The following LPP variants were observed in gnomAD, a reference collection of about 807,000 sequenced individuals.
LPP encodes the protein LIM domain containing preferred translocation partner in lipoma.
LPP carries 38 observed loss-of-function variants against 60.4 expected under a neutral mutation model. That is an observed-to-expected ratio of 0.63 (90% CI 0.49 to 0.83). The LOEUF is 0.83. LPP is among the 40% of genes least tolerant of loss of function. The pLI is 0.00. For missense variants in LPP, 902 were observed against 783.6 expected, an observed-to-expected ratio of 1.15 and a Z score of -1.80; for synonymous variants, 328 against 290.8, an observed-to-expected ratio of 1.13 and a Z score of -1.30.
chr3:188,595,662 G>A (rs541420338), intron 6 of LPP, among the ~76,000 whole-genome samples: 7 of 152,252 alleles, frequency 4.6e-5, no homozygotes, highest in African/African-American at 1.7e-4. Flanking sequence ...GGCGCTTTCA[G>A]CAAAGCTGTT....
rs1165220866 is a variant in LPP, at chr3:188,829,582, T to C, written c.1411-36618T>C. 2.0e-5 allele frequency among the ~76,000 whole-genome samples: 3 copies of C among 152,352 alleles called. No individual in the cohort carries two copies. The East Asian group carries it at 5.8e-4, about 29-fold the overall frequency. ...TGTGTGAGGTACAAACTTCAGATAT[T>C]ACCAGTTGCATGTTACTAATAAGGA... On this transcript the variant is annotated intron_variant, in intron 9 of 11. Transcript: ENST00000617246.
intron 2 of LPP, among the ~76,000 whole-genome samples, chr3:188,252,843 C>T (rs949169864): frequency 1.3e-5 from 2 of 152,192 alleles, no homozygotes; most frequent in African/African-American, 4.8e-5. Flanking sequence ...ACGATCTCAA[C>T]TCACTGCGAT....
intron 3 of LPP, among the ~76,000 whole-genome samples, chr3:188,367,123 C>T (rs892389266): frequency 2.6e-5 from 4 of 152,026 alleles, no homozygotes; most frequent in Non-Finnish European, 5.9e-5. Context: ...GTCTCGATCT[C>T]CTGACCTCAT....
intron 6 of LPP, among the ~76,000 whole-genome samples, chr3:188,580,105 A>C (rs1186328842): frequency 2.0e-5 from 3 of 152,192 alleles, no homozygotes; most frequent in Non-Finnish European, 1.5e-5. Context: ...TACAAACCAT[A>C]GTACTACCGT....
intron 2 of LPP, among the ~76,000 whole-genome samples, chr3:188,246,299 A>T (rs1174100073): frequency 6.6e-6 from 1 of 152,128 alleles, no homozygotes; most frequent in Non-Finnish European, 1.5e-5. Context: ...AGGAATGAAA[A>T]CCCATAGAAT....
At chr3:188,834,403 G>A (rs980926914) in intron 9 of LPP, among the ~76,000 whole-genome samples, 8 of 136,460 alleles carry the variant, frequency 5.9e-5, no homozygotes, top group African/African-American at 2.2e-4. Context: ...GAGGTCCAGT[G>A]CTAATTTGAT....
At chr3:188,438,354 TAC>T (rs67832532) in intron 4 of LPP, among the ~76,000 whole-genome samples, 21,605 of 137,776 alleles carry the variant, frequency 0.16, 1,991 homozygotes, top group South Asian at 0.19. Context: ...TTCCATGCAT[TAC>T]ACACACACAC....
chr3:188,261,059 C>T (rs139531113), intron 2 of LPP, among the ~76,000 whole-genome samples: 2 of 151,928 alleles, frequency 1.3e-5, no homozygotes, highest in Admixed American at 6.6e-5. Context: ...GGCCACAGAG[C>T]GAGACTCCAT....
chr3:188,600,364 A>G (rs901307621), intron 6 of LPP, among the ~76,000 whole-genome samples: 16 of 150,936 alleles, frequency 1.1e-4, no homozygotes, highest in Admixed American at 6.0e-4. Flanking sequence ...GCCAAAAATA[A>G]CCCCTTTAAA....
intron 2 of LPP, among the ~76,000 whole-genome samples, chr3:188,268,829 C>T (rs6807582): frequency 0.64 from 97,679 of 151,990 alleles, 31,721 homozygotes; most frequent in Middle Eastern, 0.74. Flanking sequence ...ACCTATTAAC[C>T]GCTTACATAT....
chr3:188,708,411 C>T lies in LPP; in HGVS notation c.1240+18C>T. The T allele has an allele frequency of 4.3e-6, 7 of 1,614,154 alleles. No individual in the cohort carries two copies. Among genetic ancestry groups the T allele is most frequent in the Non-Finnish European group, 5.9e-6 (7 of 1,179,998 alleles). On this transcript the variant is annotated intron_variant, in intron 8 of 11. Transcript: ENST00000617246. ...ATACTTTGGTGAGTGGGGCCTAGAG[C>T]TGACTTCTGAAGTAACTATCTTGCT... is the stretch of plus-strand genomic sequence containing the variant.
intron 6 of LPP, among the ~76,000 whole-genome samples, chr3:188,544,740 C>T (rs1826086866): frequency 1.5e-5 from 1 of 65,754 alleles, no homozygotes; most frequent in Non-Finnish European, 3.1e-5. Flanking sequence ...TTGACCCAGC[C>T]ATCCCATTAC....
At chr3:188,362,677 T>C (rs1769846013) in intron 3 of LPP, among the ~76,000 whole-genome samples, 1 of 152,252 alleles carries the variant, frequency 6.6e-6, no homozygotes, top group Admixed American at 6.5e-5. Flanking sequence ...CACAATGCCA[T>C]GTCTAGTCAG....
At chr3:188,511,397 A>G (rs948056012) in intron 5 of LPP, among the ~76,000 whole-genome samples, 6 of 147,398 alleles carry the variant, frequency 4.1e-5, no homozygotes, top group Admixed American at 1.4e-4. Context: ...AAATATTTAT[A>G]GGAAAGTGAA....
At chr3:188,343,351 C>A (rs1763550244) in intron 3 of LPP, among the ~76,000 whole-genome samples, 1 of 152,166 alleles carries the variant, frequency 6.6e-6, no homozygotes, top group Non-Finnish European at 1.5e-5. Context: ...AAGAATGGCT[C>A]CTGTCCACCT....
intron 4 of LPP, among the ~76,000 whole-genome samples, chr3:188,418,788 G>A (rs1358279732): frequency 1.3e-5 from 2 of 152,046 alleles, no homozygotes; most frequent in African/African-American, 4.8e-5. Flanking sequence ...GTCTCAAGGC[G>A]ACATTATTTG....
intron 1 of LPP, among the ~76,000 whole-genome samples, chr3:188,223,049 G>T (rs1716389933): frequency 1.3e-5 from 2 of 152,156 alleles, no homozygotes; most frequent in Non-Finnish European, 2.9e-5. Context: ...TCTTGAATTT[G>T]TCGCTGACCA....
At chr3:188,343,858 A>C (rs1204749580) in intron 3 of LPP, among the ~76,000 whole-genome samples, 6 of 152,210 alleles carry the variant, frequency 3.9e-5, no homozygotes, top group Non-Finnish European at 8.8e-5. Context: ...TATCAGTGGC[A>C]GTAATGAAGA....
chr3:188,409,776 A>T (rs1363776243), intron 4 of LPP, among the ~76,000 whole-genome samples: 1 of 152,192 alleles, frequency 6.6e-6, no homozygotes, highest in East Asian at 1.9e-4. Context: ...ACCTCCACGA[A>T]GCTCAACCAC....
Sources: allele counts gnomAD v4.1 joint callset (sites outside exome capture counted in the v4.1 genomes callset), GRCh38; gene constraint gnomAD v4.1.1; transcripts MANE v1.5; gene names NCBI Gene and HGNC (gene_info 2026-07-23, HGNC 2026-07-21).